Variants in SMYD1 observed in about 807,000 individuals in gnomAD.
The protein encoded by SMYD1 is histone-lysine N-methyltransferase SMYD1.
In SMYD1, 49 loss-of-function variants were observed where a neutral mutation model predicts 54.0. The ratio of observed to expected loss-of-function variants is 0.91; its 90% confidence interval spans 0.72 to 1.15. SMYD1 has a LOEUF of 1.15. SMYD1 is among the 50% of genes most tolerant of loss of function. The probability of loss-of-function intolerance (pLI) is 0.00; values close to 1 mark genes in which losing one functional copy is unlikely to be tolerated. For missense variants in SMYD1, 653 were observed against 639.6 expected (o/e 1.02, Z -0.23); for synonymous variants, 269 against 234.2 (o/e 1.15, Z -1.36).
intron 6 of SMYD1, among the ~76,000 whole-genome samples, chr2:88,097,575 G>T (rs781272787): frequency 3.3e-5 from 5 of 152,158 alleles, no homozygotes; most frequent in Non-Finnish European, 7.4e-5. Context: ...AGGCATGGAG[G>T]CGTCTCACAT....
At chr2:88,090,267 T>C (rs1297354878) in intron 3 of SMYD1, among the ~76,000 whole-genome samples, 3 of 152,232 alleles carry the variant, frequency 2.0e-5, no homozygotes, top group Admixed American at 6.5e-5. Flanking sequence ...CAGCATGTAT[T>C]CATAGATGTA....
intron 5 of SMYD1, 105 bp downstream of exon 5, chr2:88,093,660 C>T: frequency 8.0e-7 from 1 of 1,248,438 alleles, no homozygotes; most frequent in Non-Finnish European, 1.2e-6. Context: ...GCCATCTGTC[C>T]ATAACGTCCT....
At position 88,104,370 on chromosome 2, in the gene SMYD1, T is replaced by C. The variant is rs141261172; in HGVS notation, c.981+1220T>C. 7.1e-3 allele frequency among the ~76,000 whole-genome samples: 1,074 copies of C among 152,330 alleles called. 15 individuals are homozygous for C. The highest frequency in any genetic ancestry group is 0.025 in the African/African-American group (1,032 of 41,578). On this transcript the variant is annotated intron_variant, in intron 7 of 9. Transcript: ENST00000419482. ...GGGTGGCCAACACAAGACACTCTCCTTGCCTGGAAGGAGTTCTGTCAGGTG... is the reference window on the plus strand; with the variant it reads ...GGGTGGCCAACACAAGACACTCTCCCTGCCTGGAAGGAGTTCTGTCAGGTG...
At chr2:88,085,852 C>G (rs1015741745) in intron 2 of SMYD1, among the ~76,000 whole-genome samples, 4 of 152,184 alleles carry the variant, frequency 2.6e-5, no homozygotes, top group Admixed American at 2.0e-4. Flanking sequence ...GTGACTCAAA[C>G]AGGAGAAATC....
intron 1 of SMYD1, 93 bp from the exon 2 acceptor site, chr2:88,084,223 G>T: frequency 9.2e-7 from 1 of 1,084,956 alleles, no homozygotes; most frequent in Non-Finnish European, 1.3e-6. Flanking sequence ...GGACCAGCCA[G>T]CTGAACCAGT....
At chr2:88,102,493 C>A (rs796354417) in intron 6 of SMYD1, among the ~76,000 whole-genome samples, 3 of 152,286 alleles carry the variant, frequency 2.0e-5, no homozygotes, top group African/African-American at 7.2e-5. Flanking sequence ...GAAATACAGG[C>A]TGGATGCTAA....
At chr2:88,093,635 C>G in intron 5 of SMYD1, 80 bp downstream of exon 5, 1 of 1,508,190 alleles carries the variant, frequency 6.6e-7, no homozygotes. Context: ...CACCCATTCC[C>G]GAGACTTCTT....
intron 1 of SMYD1, among the ~76,000 whole-genome samples, chr2:88,080,159 T>C (rs571372971): frequency 5.6e-4 from 86 of 152,328 alleles, no homozygotes; most frequent in Non-Finnish European, 9.4e-4. Flanking sequence ...TCTCCAATCC[T>C]TGTGATACCA....
chr2:88,089,593 T>TG, intron 3 of SMYD1, among the ~76,000 whole-genome samples: 1 of 144,024 alleles, frequency 6.9e-6, no homozygotes, highest in Admixed American at 6.9e-5. Context: ...CTGTTTTTTT[T>TG]TTTTTTTTTT....
chr2:88,078,239 G>A (rs1179602290), intron 1 of SMYD1, among the ~76,000 whole-genome samples: 1 of 152,190 alleles, frequency 6.6e-6, no homozygotes, highest in Non-Finnish European at 1.5e-5. Flanking sequence ...CAGGCTCTGT[G>A]CTGACCATCT....
At chr2:88,092,214 C>A (rs112584171) in intron 4 of SMYD1, among the ~76,000 whole-genome samples, 2,631 of 152,176 alleles carry the variant, frequency 0.017, 36 homozygotes, top group Non-Finnish European at 0.028. Flanking sequence ...CGCAAAGAAA[C>A]CTGGGTGACG....
chr2:88,106,359 A>C lies in SMYD1; in HGVS notation c.1016A>C (p.Gln339Pro), dbSNP rs747615709. The C allele has an allele frequency of 6.2e-7, 1 of 1,614,144 alleles. No homozygotes were observed. The highest frequency in any genetic ancestry group is 1.1e-5 in the South Asian group (1 of 91,080). Reference protein sequence around the residue: ...VKLCRECLEKQEPVFADTNIY... With the variant: ...VKLCRECLEKPEPVFADTNIY... ...TTATGCCGGGAGTGCCTGGAGAAGC[A>C]GGAGCCAGTGTTTGCTGACACCAAC... The change falls in exon 8 of 10, where the codon CAG becomes CCG. Residue 339 changes from glutamine (Q) to proline (P), a missense_variant. Physicochemically the swap from Gln to Pro is moderately conservative, Grantham distance 76. Coordinates refer to ENST00000419482, the MANE Select transcript of SMYD1 (RefSeq NM_198274.4).
chr2:88,105,419 T>C (rs900164693), intron 7 of SMYD1, among the ~76,000 whole-genome samples: 9 of 151,780 alleles, frequency 5.9e-5, no homozygotes, highest in Admixed American at 4.6e-4. Context: ...CTTTAGAGAA[T>C]TGGTTCTAGG....
intron 1 of SMYD1, among the ~76,000 whole-genome samples, chr2:88,076,166 A>G (rs1164216087): frequency 6.6e-6 from 1 of 152,094 alleles, no homozygotes; most frequent in Non-Finnish European, 1.5e-5. Context: ...ATATGTGTTT[A>G]TGTCCCATCC....
chr2:88,078,653 G>A (rs1441240632), intron 1 of SMYD1, among the ~76,000 whole-genome samples: 1 of 152,232 alleles, frequency 6.6e-6, no homozygotes, highest in Non-Finnish European at 1.5e-5. Flanking sequence ...CAAAGTTGAA[G>A]CATCAGTATT....
chr2:88,109,930 G>GTCACACAC (rs1218214021), intron 9 of SMYD1, among the ~76,000 whole-genome samples: 2 of 152,136 alleles, frequency 1.3e-5, no homozygotes, highest in African/African-American at 4.8e-5. Flanking sequence ...TCTTCTGTGT[G>GTCACACAC]TCACACACTG....
chr2:88,110,223 GTGTGTGTGTGTA>G, intron 9 of SMYD1, 119 bp from the exon 10 acceptor site: 1 of 873,034 alleles, frequency 1.1e-6, no homozygotes, highest in Non-Finnish European at 1.8e-6. Flanking sequence ...GTGTGTGTGT[GTGTGTGTGTGTA>G]TTCTGAGGGG....
chr2:88,077,957 T>C (rs1674107029), intron 1 of SMYD1, among the ~76,000 whole-genome samples: 1 of 152,148 alleles, frequency 6.6e-6, no homozygotes, highest in African/African-American at 2.4e-5. Context: ...ACACCTGACC[T>C]CAGGTGACCC....
chr2:88,106,190 G>A (rs1416660248), intron 7 of SMYD1, 135 bp from the exon 8 acceptor site: 37 of 1,200,766 alleles, frequency 3.1e-5, no homozygotes, highest in Non-Finnish European at 4.0e-5. Context: ...CCAAACCTGT[G>A]CTTTCCCACC....
Sources: allele counts gnomAD v4.1 joint callset (sites outside exome capture counted in the v4.1 genomes callset), GRCh38; gene constraint gnomAD v4.1.1; transcripts MANE v1.5; gene names NCBI Gene and HGNC (gene_info 2026-07-23, HGNC 2026-07-21).